The following VSTM2B variants were observed in gnomAD, a reference collection of about 807,000 sequenced individuals.
VSTM2B encodes the protein V-set and transmembrane domain-containing protein 2B.
In VSTM2B, 24 loss-of-function variants were observed where a neutral mutation model predicts 24.0. The ratio of observed to expected loss-of-function variants is 1.00; its 90% CI spans 0.72 to 1.40. The LOEUF (loss-of-function observed/expected upper bound fraction) is 1.40, where lower values mean the gene tolerates loss of function less well. Ranked by LOEUF, VSTM2B falls within the 40% of genes most tolerant of loss-of-function variation. The pLI, the probability that VSTM2B is intolerant of heterozygous loss-of-function variation, is 0.00. For missense variants in VSTM2B, 399 were observed against 416.4 expected (o/e 0.96, Z 0.36); for synonymous variants, 226 against 194.4 (o/e 1.16, Z -1.35).
Position 29,534,245 on chromosome 19 carries a change from A to C in VSTM2B, c.769+3955A>C, listed in dbSNP as rs141972089. Among the ~76,000 whole-genome samples the C allele has an allele frequency of 4.5e-3, 684 of 152,318 alleles. 10 individuals carry two copies. The highest frequency in any genetic ancestry group is 0.016 in the African/African-American group (652 of 41,580). ...GAGGGGAGGCACACAGCCAACCCAC[A>C]GTCACCCAGCAAGGATCTCACTCCT... On this transcript the variant is annotated intron_variant, in intron 4 of 4. Coordinates refer to ENST00000335523, the MANE Select transcript of VSTM2B (RefSeq NM_001146339.2).
chr19:29,546,968 G>C (rs73547252), intron 4 of VSTM2B, among the ~76,000 whole-genome samples: 3,765 of 152,294 alleles, frequency 0.025, 161 homozygotes, highest in African/African-American at 0.087. Context: ...CATTCATGGG[G>C]AAGGAGAGTT....
upstream of VSTM2B, chr19:29,525,737 T>C (rs1424041320): frequency 6.6e-6 from 1 of 152,522 alleles, no homozygotes; most frequent in Non-Finnish European, 1.5e-5. Context: ...TCTCGAGCCG[T>C]GCAGACTGGG....
chr19:29,562,240 C>T (rs1053448204), intron 4 of VSTM2B, among the ~76,000 whole-genome samples: 3 of 152,184 alleles, frequency 2.0e-5, no homozygotes, highest in Admixed American at 2.0e-4. Flanking sequence ...GACATGAACT[C>T]CATGACACAG....
intron 4 of VSTM2B, among the ~76,000 whole-genome samples, chr19:29,555,125 A>G (rs1249858154): frequency 1.3e-5 from 2 of 152,220 alleles, no homozygotes; most frequent in African/African-American, 4.8e-5. Flanking sequence ...TTGGTGACAC[A>G]TGGCACTTAC....
At chr19:29,537,013 A>G (rs1969906610) in intron 4 of VSTM2B, among the ~76,000 whole-genome samples, 1 of 152,192 alleles carries the variant, frequency 6.6e-6, no homozygotes, top group Non-Finnish European at 1.5e-5. Flanking sequence ...GAAAAATAAA[A>G]GCATTATCTT....
intron 4 of VSTM2B, among the ~76,000 whole-genome samples, chr19:29,561,957 G>C (rs185990403): frequency 8.7e-4 from 133 of 152,338 alleles, no homozygotes; most frequent in Middle Eastern, 3.4e-3. Flanking sequence ...GGGCCAGGAG[G>C]GATGACTGCC....
chr19:29,529,791 C>A lies in VSTM2B; in HGVS notation c.298-28C>A. 1.9e-6 allele frequency: 3 copies of A among 1,543,598 alleles called. No individual in the cohort carries two copies. In the South Asian group the frequency reaches 3.6e-5, roughly 19 times the overall value. ...AAGAGTAGGTTTGGGAGCTGCCCAG[C>A]CCGGCCTCTAACCCTGCTCTCTTGC... On this transcript the variant is annotated intron_variant, in intron 3 of 4. Transcript: ENST00000335523.
chr19:29,560,276 C>T (rs1386145685), intron 4 of VSTM2B, among the ~76,000 whole-genome samples: 2 of 152,160 alleles, frequency 1.3e-5, no homozygotes, highest in Non-Finnish European at 2.9e-5. Context: ...GCCATTTTTG[C>T]AATCAACCAC....
chr19:29,546,049 G>A (rs186585823), intron 4 of VSTM2B, among the ~76,000 whole-genome samples: 128 of 152,100 alleles, frequency 8.4e-4, no homozygotes, highest in Middle Eastern at 6.8e-3. Context: ...GGCAGGGTGG[G>A]TGTGGGGTAA....
chr19:29,529,220 TAGC>T (rs1969665450), intron 3 of VSTM2B: 1 of 815,654 alleles, frequency 1.2e-6, no homozygotes, highest in South Asian at 5.6e-5. Flanking sequence ...GGCGGGTTGG[TAGC>T]AGGTGGCCAG....
At chr19:29,559,793 T>C (rs143319507) in intron 4 of VSTM2B, among the ~76,000 whole-genome samples, 1 of 152,172 alleles carries the variant, frequency 6.6e-6, no homozygotes, top group Non-Finnish European at 1.5e-5. Context: ...TTGACTCTGT[T>C]TGAGGCGCTG....
At chr19:29,536,098 G>A (rs745990816) in intron 4 of VSTM2B, among the ~76,000 whole-genome samples, 10 of 152,248 alleles carry the variant, frequency 6.6e-5, no homozygotes, top group South Asian at 2.1e-4. Flanking sequence ...GCAATCTTAC[G>A]CCATTATCAG....
intron 4 of VSTM2B, among the ~76,000 whole-genome samples, chr19:29,548,911 C>T (rs1340244708): frequency 6.6e-6 from 1 of 152,234 alleles, no homozygotes; most frequent in East Asian, 1.9e-4. Flanking sequence ...AGGGGCCCAA[C>T]TGCGCAGGAG....
At chr19:29,543,439 C>T (rs1970069758) in intron 4 of VSTM2B, among the ~76,000 whole-genome samples, 1 of 152,182 alleles carries the variant, frequency 6.6e-6, no homozygotes, top group Admixed American at 6.5e-5. Flanking sequence ...AAAGAAATAT[C>T]CAGGTGTCAC....
chr19:29,541,894 G>A (rs1233737330), intron 4 of VSTM2B, among the ~76,000 whole-genome samples: 1 of 151,788 alleles, frequency 6.6e-6, no homozygotes, highest in Non-Finnish European at 1.5e-5. Flanking sequence ...ATGGATACAA[G>A]GATGACGAGT....
At chr19:29,557,966 T>C (rs1401687780) in intron 4 of VSTM2B, among the ~76,000 whole-genome samples, 1 of 152,140 alleles carries the variant, frequency 6.6e-6, no homozygotes, top group Admixed American at 6.5e-5. Context: ...AAAGGTCTGA[T>C]ATCCAGAAAC....
At chr19:29,538,252 C>A (rs544354824) in intron 4 of VSTM2B, among the ~76,000 whole-genome samples, 2 of 152,156 alleles carry the variant, frequency 1.3e-5, no homozygotes, top group East Asian at 1.9e-4. Context: ...TCTCTCTGTA[C>A]GAGTTCCGTC....
intron 4 of VSTM2B, among the ~76,000 whole-genome samples, chr19:29,552,003 G>T (rs564601327): frequency 6.6e-6 from 1 of 152,304 alleles, no homozygotes; most frequent in South Asian, 2.1e-4. Context: ...CTGTCATTCT[G>T]GAAAGCAATG....
rs1332145302 is a variant in VSTM2B at position 29,529,015 on chromosome 19, G to A, written c.297+553G>A. On this transcript the variant is annotated intron_variant, in intron 3 of 4. Coordinates refer to ENST00000335523, the MANE Select transcript of VSTM2B (RefSeq NM_001146339.2). ...CCGGGTCATGGGGTTGCTAACTCTG[G>A]GAGGAGATGCGCCCAAGCTTCCCAC... 6.1e-6 allele frequency: 6 copies of A among 985,366 alleles called. No homozygotes were observed. The African/African-American group carries it at 7.0e-5, about 11-fold the overall frequency. 61.0% of individuals were successfully genotyped at this position (985,366 alleles called of 1,614,324 possible).
Sources: gnomAD v4.1 joint callset for allele counts (sites outside exome capture counted in the v4.1 genomes callset) on GRCh38, gnomAD v4.1.1 for gene constraint, MANE v1.5 for transcripts, NCBI Gene and HGNC (gene_info 2026-07-23, HGNC 2026-07-21) for gene names.